Variants in CSMD1 observed in about 807,000 individuals in gnomAD.
The protein encoded by CSMD1 is CUB and Sushi multiple domains 1, also known as CUB and sushi domain-containing protein 1.
In CSMD1, 213 loss-of-function variants were observed where a neutral mutation model predicts 417.5. The observed-to-expected ratio is 0.51, with a 90% CI of 0.46 to 0.57. The LOEUF (loss-of-function observed/expected upper bound fraction) is 0.57, where lower values mean the gene tolerates loss of function less well. Ranked by LOEUF, CSMD1 falls within the 20% of genes least tolerant of loss-of-function variation. The pLI, the probability that CSMD1 is intolerant of heterozygous loss-of-function variation, is 0.00. For missense variants in CSMD1, 6,923 were observed against 4,529.7 expected (o/e 1.53, Z -15.17); for synonymous variants, 2,862 against 1,736.8 (o/e 1.65, Z -16.11).
intron 12 of CSMD1, among the ~76,000 whole-genome samples, chr8:3,462,054 G>T (rs922875198): frequency 6.6e-6 from 1 of 152,088 alleles, no homozygotes; most frequent in African/African-American, 2.4e-5. Context: ...GGAGAATACT[G>T]ACCAGTGCTA....
intron 3 of CSMD1, among the ~76,000 whole-genome samples, chr8:4,338,013 G>C (rs1255639230): frequency 6.6e-6 from 1 of 152,064 alleles, no homozygotes; most frequent in Non-Finnish European, 1.5e-5. Flanking sequence ...GAGGTGTTCT[G>C]AGTGGAAATG....
intron 3 of CSMD1, among the ~76,000 whole-genome samples, chr8:4,117,647 G>C (rs918939648): frequency 6.6e-6 from 1 of 152,134 alleles, no homozygotes; most frequent in Admixed American, 6.6e-5. Context: ...TGAAGCGCCC[G>C]CACTTCTGGG....
intron 26 of CSMD1, among the ~76,000 whole-genome samples, chr8:3,274,487 G>A (rs1802122249): frequency 1.3e-5 from 2 of 152,110 alleles, no homozygotes; most frequent in Admixed American, 6.6e-5. Flanking sequence ...TATGCTTGTT[G>A]ACTTTCTGTC....
intron 3 of CSMD1, among the ~76,000 whole-genome samples, chr8:4,136,066 G>GA (rs113584539): frequency 5.7e-4 from 87 of 151,924 alleles, no homozygotes; most frequent in African/African-American, 1.8e-3. Flanking sequence ...CTTGGCAAGA[G>GA]AAAAAAAATG....
chr8:3,644,381 G>A (rs574872807), intron 7 of CSMD1, among the ~76,000 whole-genome samples: 1 of 152,196 alleles, frequency 6.6e-6, no homozygotes, highest in African/African-American at 2.4e-5. Flanking sequence ...GTGCGAGTGA[G>A]ACCCTGGAGA....
intron 5 of CSMD1, among the ~76,000 whole-genome samples, chr8:3,960,520 T>A (rs1812252934): frequency 6.6e-6 from 1 of 152,176 alleles, no homozygotes; most frequent in Non-Finnish European, 1.5e-5. Flanking sequence ...AATTTAAAAA[T>A]TAGCATTTAA....
intron 12 of CSMD1, among the ~76,000 whole-genome samples, chr8:3,413,705 A>T (rs2116939450): frequency 6.6e-6 from 1 of 152,312 alleles, no homozygotes; most frequent in South Asian, 2.1e-4. Context: ...AAATTCACAC[A>T]AGTTTTGCAA....
chr8:4,265,278 A>AATC (rs1261939625), intron 3 of CSMD1, among the ~76,000 whole-genome samples: 1 of 152,094 alleles, frequency 6.6e-6, no homozygotes, highest in East Asian at 1.9e-4. Flanking sequence ...AACAAGGATA[A>AATC]TTACTAAAAA....
At chr8:3,109,131 G>A (rs1429386576) in intron 43 of CSMD1, among the ~76,000 whole-genome samples, 1 of 152,180 alleles carries the variant, frequency 6.6e-6, no homozygotes, top group Non-Finnish European at 1.5e-5. Context: ...TGGGCCTGGT[G>A]GCACGCACTT....
At chr8:3,652,836 T>A (rs1476450547) in intron 7 of CSMD1, among the ~76,000 whole-genome samples, 5 of 152,196 alleles carry the variant, frequency 3.3e-5, no homozygotes, top group African/African-American at 1.2e-4. Context: ...TTTTGCTCAC[T>A]ACCGTATTGG....
intron 1 of CSMD1, among the ~76,000 whole-genome samples, chr8:4,870,268 A>G (rs1171204579): frequency 3.3e-5 from 5 of 152,114 alleles, no homozygotes; most frequent in African/African-American, 7.2e-5. Flanking sequence ...GTTTCCCTCT[A>G]TAACTTTTTA....
At chr8:3,274,721 G>T (rs566192692) in intron 26 of CSMD1, among the ~76,000 whole-genome samples, 1 of 152,204 alleles carries the variant, frequency 6.6e-6, no homozygotes, top group African/African-American at 2.4e-5. Flanking sequence ...TTGGTTTAAA[G>T]TCTGTTTTAT....
At chr8:3,578,934 T>C (rs773432974) in intron 9 of CSMD1, among the ~76,000 whole-genome samples, 3 of 152,238 alleles carry the variant, frequency 2.0e-5, no homozygotes, top group Non-Finnish European at 4.4e-5. Context: ...TGGATATCTG[T>C]AGACGCACGT....
At chr8:3,403,861 T>C (rs1243510658) in intron 15 of CSMD1, among the ~76,000 whole-genome samples, 9 of 152,310 alleles carry the variant, frequency 5.9e-5, no homozygotes, top group Middle Eastern at 3.4e-3. Flanking sequence ...TATTAACATT[T>C]TGTACAGCAT....
chr8:4,798,061 G>C (rs756896542), intron 1 of CSMD1, among the ~76,000 whole-genome samples: 2 of 152,114 alleles, frequency 1.3e-5, no homozygotes, highest in Admixed American at 6.5e-5. Flanking sequence ...TGCGCACAAC[G>C]TGCAGGTTTC....
At chr8:3,946,900 C>T (rs1279704767) in intron 5 of CSMD1, among the ~76,000 whole-genome samples, 2 of 152,086 alleles carry the variant, frequency 1.3e-5, no homozygotes, top group Non-Finnish European at 2.9e-5. Flanking sequence ...GATCTCAAAC[C>T]ATGCAACAGT....
At chr8:3,345,848 T>G (rs1807954174) in intron 22 of CSMD1, among the ~76,000 whole-genome samples, 1 of 152,204 alleles carries the variant, frequency 6.6e-6, no homozygotes, top group Non-Finnish European at 1.5e-5. Context: ...ACAGAAACTA[T>G]ACCCTGCAGA....
At chr8:4,269,314 C>A (rs899656976) in intron 3 of CSMD1, among the ~76,000 whole-genome samples, 2 of 152,168 alleles carry the variant, frequency 1.3e-5, no homozygotes, top group East Asian at 1.9e-4. Flanking sequence ...TCCACCCGCA[C>A]TGGCCTCCCC....
chr8:3,099,025 T>C (rs867961621), intron 46 of CSMD1, among the ~76,000 whole-genome samples: 1 of 151,166 alleles, frequency 6.6e-6, no homozygotes, highest in East Asian at 2.0e-4. Context: ...CTGCCGACAC[T>C]CCCCCCAAAC....
Sources: gnomAD v4.1 joint callset for allele counts (sites outside exome capture counted in the v4.1 genomes callset) on GRCh38, gnomAD v4.1.1 for gene constraint, MANE v1.5 for transcripts, NCBI Gene and HGNC (gene_info 2026-07-23, HGNC 2026-07-21) for gene names.